Variants in ANO3 observed in about 807,000 individuals in gnomAD.
The protein encoded by ANO3 is anoctamin 3.
A neutral mutation model predicts 144.8 loss-of-function variants in ANO3; 99 were observed. The observed-to-expected ratio is 0.68, with a 90% CI of 0.58 to 0.81. The LOEUF (loss-of-function observed/expected upper bound fraction) is 0.81, where lower values mean the gene tolerates loss of function less well. Ranked by LOEUF, ANO3 falls within the 30% of genes least tolerant of loss-of-function variation. The probability of loss-of-function intolerance (pLI) is 0.00; values close to 1 mark genes in which losing one functional copy is unlikely to be tolerated. For missense variants in ANO3, 905 were observed against 1,202.2 expected (o/e 0.75, Z 3.66); for synonymous variants, 414 against 392.6 (o/e 1.05, Z -0.64).
intron 1 of ANO3, among the ~76,000 whole-genome samples, chr11:26,394,713 G>C (rs1327918609): frequency 1.3e-5 from 2 of 151,810 alleles, no homozygotes; most frequent in South Asian, 2.1e-4. Context: ...AAGTAGCTGG[G>C]ATTAGAGGCA....
chr11:26,564,742 T>C (rs1413318459), intron 14 of ANO3, among the ~76,000 whole-genome samples: 105 of 35,020 alleles, frequency 3.0e-3, no homozygotes, highest in African/African-American at 4.1e-3. Flanking sequence ...CATATATATA[T>C]ATATATATAT....
intron 1 of ANO3, among the ~76,000 whole-genome samples, chr11:26,198,383 G>A (rs992757384): frequency 1.3e-5 from 2 of 152,104 alleles, no homozygotes; most frequent in Middle Eastern, 3.4e-3. Context: ...TTGTAACTCC[G>A]GAATGGTCAT....
intron 1 of ANO3, among the ~76,000 whole-genome samples, chr11:26,423,313 T>A (rs200164067): frequency 7.0e-6 from 1 of 142,112 alleles, no homozygotes; most frequent in Non-Finnish European, 1.5e-5. Context: ...TTTATACTTT[T>A]TTTTTTTTTT....
intron 4 of ANO3, among the ~76,000 whole-genome samples, chr11:26,500,258 T>C (rs1193691001): frequency 6.6e-6 from 1 of 152,066 alleles, no homozygotes; most frequent in Non-Finnish European, 1.5e-5. Context: ...ATAATGTTTT[T>C]ATGAAAATTG....
At chr11:26,453,430 C>G (rs1859025886) in intron 3 of ANO3, among the ~76,000 whole-genome samples, 1 of 152,150 alleles carries the variant, frequency 6.6e-6, no homozygotes, top group South Asian at 2.1e-4. Flanking sequence ...GGTTGCAATC[C>G]TAGTCTCTGA....
intron 1 of ANO3, among the ~76,000 whole-genome samples, chr11:26,272,452 A>C (rs1853460328): frequency 6.6e-6 from 1 of 152,198 alleles, no homozygotes; most frequent in Non-Finnish European, 1.5e-5. Flanking sequence ...TTGTAAGTGC[A>C]GCCTTTACGT....
chr11:26,518,247 A>C (rs1861934512), intron 6 of ANO3, among the ~76,000 whole-genome samples: 1 of 152,164 alleles, frequency 6.6e-6, no homozygotes, highest in Non-Finnish European at 1.5e-5. Context: ...AAGTCTTTTA[A>C]AATACTTGAC....
intron 18 of ANO3, among the ~76,000 whole-genome samples, chr11:26,629,625 A>T (rs978149999): frequency 4.6e-5 from 7 of 152,074 alleles, no homozygotes; most frequent in African/African-American, 7.2e-5. Flanking sequence ...CTGTTGAATT[A>T]AACCTGCTAT....
chr11:26,628,999 A>G (rs1852681763), intron 18 of ANO3, among the ~76,000 whole-genome samples: 3 of 151,954 alleles, frequency 2.0e-5, no homozygotes, highest in Non-Finnish European at 4.4e-5. Context: ...CTTGCATTTT[A>G]CTTGCATATC....
intron 1 of ANO3, among the ~76,000 whole-genome samples, chr11:26,247,090 T>C (rs564672766): frequency 9.8e-5 from 15 of 152,374 alleles, no homozygotes; most frequent in African/African-American, 3.4e-4. Flanking sequence ...ACAGTTTTAA[T>C]GTTGTTCAAT....
chr11:26,659,014 C>T (rs550338196), intron 26 of ANO3, among the ~76,000 whole-genome samples: 1 of 151,718 alleles, frequency 6.6e-6, no homozygotes, highest in Non-Finnish European at 1.5e-5. Flanking sequence ...AAACAGGATG[C>T]ATTTATAATA....
At chr11:26,640,107 A>G (rs1018408767) in intron 21 of ANO3, among the ~76,000 whole-genome samples, 1 of 152,154 alleles carries the variant, frequency 6.6e-6, no homozygotes, top group East Asian at 1.9e-4. Context: ...GCAATCTGCT[A>G]TAAAGTATTG....
At chr11:26,456,525 A>T (rs931200283) in intron 3 of ANO3, among the ~76,000 whole-genome samples, 1 of 145,108 alleles carries the variant, frequency 6.9e-6, no homozygotes, top group Non-Finnish European at 1.5e-5. Flanking sequence ...CCACAATGAG[A>T]TATCATCTCA....
At chr11:26,552,983 CAA>C (rs1849975137) in intron 12 of ANO3, among the ~76,000 whole-genome samples, 1 of 3,814 alleles carries the variant, frequency 2.6e-4, no homozygotes, top group Non-Finnish European at 7.2e-4. Context: ...TCATTGTAGA[CAA>C]AGTTTCACCA....
At chr11:26,477,044 A>G (rs557985319) in intron 4 of ANO3, among the ~76,000 whole-genome samples, 2 of 152,112 alleles carry the variant, frequency 1.3e-5, no homozygotes, top group South Asian at 2.1e-4. Context: ...TTCCAAATTC[A>G]TATATTTTAT....
intron 4 of ANO3, among the ~76,000 whole-genome samples, chr11:26,469,908 G>GAACC (rs10641936): frequency 0.88 from 134,001 of 151,630 alleles, 59,920 homozygotes; most frequent in South Asian, 0.97. Flanking sequence ...AATGTTTTTT[G>GAACC]AAATTAGAAA....
chr11:26,483,599 T>A (rs1048025736), intron 4 of ANO3, among the ~76,000 whole-genome samples: 6 of 152,174 alleles, frequency 3.9e-5, no homozygotes, highest in African/African-American at 1.4e-4. Context: ...CCCACCTTGA[T>A]CATGTTTCCT....
chr11:26,355,377 C>A (rs956549908), intron 1 of ANO3, among the ~76,000 whole-genome samples: 1 of 152,016 alleles, frequency 6.6e-6, no homozygotes, highest in Non-Finnish European at 1.5e-5. Flanking sequence ...CTGCTGCTGA[C>A]TTCCAGCAGA....
chr11:26,459,592 A>G (rs1859301976), intron 3 of ANO3, among the ~76,000 whole-genome samples: 2 of 151,330 alleles, frequency 1.3e-5, no homozygotes, highest in East Asian at 1.9e-4. Context: ...GAAAAAATGT[A>G]CACACACACA....
Sources: gnomAD v4.1 joint callset for allele counts (sites outside exome capture counted in the v4.1 genomes callset) on GRCh38, gnomAD v4.1.1 for gene constraint, MANE v1.5 for transcripts, NCBI Gene and HGNC (gene_info 2026-07-23, HGNC 2026-07-21) for gene names.